IQCB1: variants seen among roughly 807,000 people sequenced by gnomAD.
IQCB1 encodes IQ motif containing B1.
A neutral mutation model predicts 84.4 loss-of-function variants in IQCB1; 56 were observed. That is an observed-to-expected ratio of 0.66 (90% CI 0.54 to 0.83). IQCB1 has a LOEUF of 0.83. IQCB1 is among the 40% of genes least tolerant of loss of function. The pLI is 0.00. For missense variants in IQCB1, 629 were observed against 682.1 expected (o/e 0.92, Z 0.87); for synonymous variants, 210 against 234.8 (o/e 0.89, Z 0.96).
At chr3:121,806,297 T>C (rs930129001) in intron 7 of IQCB1, among the ~76,000 whole-genome samples, 2 of 152,214 alleles carry the variant, frequency 1.3e-5, no homozygotes, top group Middle Eastern at 3.4e-3. Flanking sequence ...CCCCTTAATC[T>C]ACCTTCACAT....
At chr3:121,833,700 A>G (rs1215969052) in intron 2 of IQCB1, among the ~76,000 whole-genome samples, 1 of 152,236 alleles carries the variant, frequency 6.6e-6, no homozygotes, top group Non-Finnish European at 1.5e-5. Context: ...TAAATAGATG[A>G]CACAGATAAG....
At chr3:121,783,592 A>G (rs1291819375) in intron 12 of IQCB1, among the ~76,000 whole-genome samples, 1 of 151,904 alleles carries the variant, frequency 6.6e-6, no homozygotes, top group African/African-American at 2.4e-5. Flanking sequence ...TATTTTACAA[A>G]CTCTGCCCTA....
intron 7 of IQCB1, among the ~76,000 whole-genome samples, chr3:121,805,159 G>A (rs963006716): frequency 2.6e-5 from 4 of 152,008 alleles, no homozygotes; most frequent in African/African-American, 7.2e-5. Context: ...TCTCATTTTA[G>A]ATCCTGTTTT....
At chr3:121,821,247 C>T (rs1298354734) in intron 5 of IQCB1, among the ~76,000 whole-genome samples, 3 of 152,160 alleles carry the variant, frequency 2.0e-5, no homozygotes, top group Admixed American at 1.3e-4. Flanking sequence ...ATTATACAGG[C>T]GTGAGCCACT....
chr3:121,827,015 T>C (rs1173369986), intron 4 of IQCB1, among the ~76,000 whole-genome samples: 1 of 152,058 alleles, frequency 6.6e-6, no homozygotes, highest in Admixed American at 6.5e-5. Flanking sequence ...AATGGCAGAC[T>C]GGATAAAGAA....
intron 14 of IQCB1, 141 bp from the exon 15 acceptor site, chr3:121,770,715 C>T (rs1242662157): frequency 1.4e-6 from 1 of 739,852 alleles, no homozygotes; most frequent in South Asian, 1.5e-5. Flanking sequence ...AAGGGTCTTG[C>T]TCTATTGCCT....
At chr3:121,817,328 T>C (rs1422852426) in intron 5 of IQCB1, among the ~76,000 whole-genome samples, 1 of 151,872 alleles carries the variant, frequency 6.6e-6, no homozygotes, top group South Asian at 2.1e-4. Context: ...AAAACCTACA[T>C]GACGAGTTGA....
At chr3:121,780,385 G>T (rs180979212) in intron 13 of IQCB1, among the ~76,000 whole-genome samples, 1 of 152,266 alleles carries the variant, frequency 6.6e-6, no homozygotes, top group Non-Finnish European at 1.5e-5. Context: ...GTTTCAGGCA[G>T]GAAGTAAATC....
intron 7 of IQCB1, among the ~76,000 whole-genome samples, chr3:121,806,868 G>A (rs1297713766): frequency 6.6e-6 from 1 of 152,022 alleles, no homozygotes; most frequent in African/African-American, 2.4e-5. Flanking sequence ...TTTCAATTGT[G>A]TATACTCTGC....
intron 5 of IQCB1, among the ~76,000 whole-genome samples, chr3:121,815,649 C>T (rs773503134): frequency 1.9e-4 from 29 of 152,076 alleles, no homozygotes; most frequent in Non-Finnish European, 3.2e-4. Context: ...AGTGAATTCC[C>T]ATTCACAATT....
chr3:121,790,770 T>TA lies in IQCB1; in HGVS notation c.987-556dup, dbSNP rs899741303. On this transcript the variant is annotated intron_variant, in intron 10 of 14. Transcript: ENST00000310864. ...GACATCAAAATTGTGTCAAAAAACT[T>TA]ACATTTACTTACACAAAAAAAAAAT... 3.6e-5 allele frequency among the ~76,000 whole-genome samples: 5 copies of TA among 140,344 alleles called. No homozygotes were observed. The Admixed American group carries it at 3.7e-4, about 11-fold the overall frequency. The allele number at this position is 140,344 out of a possible 152,430, so 92.1% of individuals were successfully genotyped here.
At position 121,826,100 on chromosome 3, in the gene IQCB1, A is replaced by G. The variant is rs1950457369; in HGVS notation, c.344T>C (p.Phe115Ser). The change falls in exon 5 of 15, where the codon TTT becomes TCT. Residue 115 changes from phenylalanine to serine, a missense_variant. Physicochemically the swap from Phe to Ser is radical, Grantham distance 155. Coordinates refer to ENST00000310864, the MANE Select transcript of IQCB1 (RefSeq NM_001023570.4). ...TTGTAATTGTCTCCCCAAAACTAGA[A>G]AATTTTCTGCAGCTGATGGAAGTAA... ...NELLPSAAENFLVLGRQLQTC... is the reference protein window; with the variant it reads ...NELLPSAAENSLVLGRQLQTC... 6.2e-7 allele frequency: 1 copy of G among 1,613,442 alleles called. No homozygotes were observed. The highest frequency in any genetic ancestry group is 1.6e-4 in the Middle Eastern group (1 of 6,062).
Position 121,808,988 on chromosome 3 carries a change from G to A in IQCB1, c.415C>T (p.Leu139=). 6.2e-7 allele frequency: 1 copy of A among 1,604,968 alleles called. No individual in the cohort carries two copies. The highest frequency in any genetic ancestry group is 8.5e-7 in the Non-Finnish European group (1 of 1,172,708). Residue 139 remains leucine, a synonymous_variant, in exon 6 of 15, where the codon CTA becomes TTA. Transcript: ENST00000310864. ...AAKAEEKDEL[L]HFFQIVTDSL... ...TCAGTCACAATTTGGAAAAAGTGTA[G>A]TAATTCATCTTTTTCTTCAGCCTTA...
intron 13 of IQCB1, 128 bp downstream of exon 13, chr3:121,781,615 T>C (rs1559755367): frequency 1.1e-6 from 1 of 943,140 alleles, no homozygotes; most frequent in Non-Finnish European, 1.7e-6. Flanking sequence ...TGCATTACCT[T>C]ATACCAGCAA....
At chr3:121,786,170 C>CGAAAAGAAAGAAAAGAAAAGAAAAG (rs1553710812) in intron 12 of IQCB1, among the ~76,000 whole-genome samples, 1 of 72,882 alleles carries the variant, frequency 1.4e-5, no homozygotes, top group African/African-American at 6.5e-5. Context: ...GATTCTGTCT[C>CGAAAAGAAAGAAAAGAAAAGAAAAG]AAAAGAAAAG....
At chr3:121,810,829 T>C (rs187334022) in intron 5 of IQCB1, among the ~76,000 whole-genome samples, 7 of 152,214 alleles carry the variant, frequency 4.6e-5, no homozygotes, top group Admixed American at 3.9e-4. Flanking sequence ...ATTCCTATAG[T>C]TTATGTGGCT....
chr3:121,824,475 G>A (rs1039061799), intron 5 of IQCB1, among the ~76,000 whole-genome samples: 1 of 152,096 alleles, frequency 6.6e-6, no homozygotes, highest in African/African-American at 2.4e-5. Flanking sequence ...TGAAACTGCA[G>A]AAAGTGTATC....
intron 10 of IQCB1, among the ~76,000 whole-genome samples, chr3:121,790,705 T>G (rs1054039113): frequency 2.0e-5 from 3 of 152,096 alleles, no homozygotes; most frequent in Non-Finnish European, 4.4e-5. Context: ...ATACTGATGA[T>G]CTAATGTCAG....
intron 14 of IQCB1, among the ~76,000 whole-genome samples, chr3:121,772,134 C>T (rs908036886): frequency 2.6e-5 from 4 of 152,170 alleles, no homozygotes; most frequent in African/African-American, 9.6e-5. Flanking sequence ...AAGATCACAC[C>T]ACTGCACTCC....
Sources: allele counts gnomAD v4.1 joint callset (sites outside exome capture counted in the v4.1 genomes callset), GRCh38; gene constraint gnomAD v4.1.1; transcripts MANE v1.5; gene names NCBI Gene and HGNC (gene_info 2026-07-23, HGNC 2026-07-21).